PPP3CB: variants seen among roughly 807,000 people sequenced by gnomAD.
PPP3CB encodes serine/threonine-protein phosphatase 2B catalytic subunit beta isoform.
A neutral mutation model predicts 66.4 loss-of-function variants in PPP3CB; 8 were observed. The observed-to-expected ratio is 0.12, with a 90% confidence interval of 0.07 to 0.22. PPP3CB has a LOEUF of 0.22. Ranked by LOEUF, PPP3CB falls within the 10% of genes least tolerant of loss-of-function variation. The pLI, the probability that PPP3CB is intolerant of heterozygous loss-of-function variation, is 1.00. For synonymous variants in PPP3CB, 208 were observed against 221.2 expected, an observed-to-expected ratio of 0.94 and a Z score of 0.53; for missense variants, 319 against 642.5, an observed-to-expected ratio of 0.50 and a Z score of 5.44.
At chr10:73,481,111 C>T (rs1274394948) in intron 1 of PPP3CB, among the ~76,000 whole-genome samples, 1 of 150,262 alleles carries the variant, frequency 6.7e-6, no homozygotes, top group South Asian at 2.1e-4. Flanking sequence ...CATTAGGAGT[C>T]TAATAAATAT....
chr10:73,486,571 C>T (rs998936839), intron 1 of PPP3CB, among the ~76,000 whole-genome samples: 1 of 152,180 alleles, frequency 6.6e-6, no homozygotes, highest in Non-Finnish European at 1.5e-5. Context: ...TCCCAAAGTG[C>T]TGGGATTACA....
chr10:73,490,920 C>T (rs1030691871), intron 1 of PPP3CB, among the ~76,000 whole-genome samples: 2 of 151,846 alleles, frequency 1.3e-5, no homozygotes, highest in Admixed American at 6.6e-5. Flanking sequence ...GCAGCCTCCA[C>T]TTCTCAGGTT....
chr10:73,467,351 C>G (rs1331860062), intron 9 of PPP3CB: 1 of 336,092 alleles, frequency 3.0e-6, no homozygotes, highest in African/African-American at 2.1e-5. Context: ...TCCCAGTCCC[C>G]CAGACAGCCT....
At chr10:73,480,501 G>A (rs2056856804) in intron 1 of PPP3CB, among the ~76,000 whole-genome samples, 1 of 145,748 alleles carries the variant, frequency 6.9e-6, no homozygotes, top group Admixed American at 7.0e-5. Context: ...CTGGAATGCA[G>A]TGGCGTGAAC....
Position 73,448,397 on chromosome 10 carries a change from C to CA in PPP3CB, c.1187-1825dup, listed in dbSNP as rs2056293626. On this transcript the variant is annotated intron_variant, in intron 10 of 13. Transcript: ENST00000360663. Reference sequence around the variant, plus strand: ...AACCCTAATCATGCAGGGAAAAGTACAAAACATTACAAATAAGCAAAAGAA... The same window carrying CA: ...AACCCTAATCATGCAGGGAAAAGTACAAAAACATTACAAATAAGCAAAAGAA... 3.3e-5 allele frequency among the ~76,000 whole-genome samples: 5 copies of CA among 151,772 alleles called. 1 individual carries two copies. The highest frequency in any genetic ancestry group is 7.4e-5 in the Non-Finnish European group (5 of 67,914).
chr10:73,438,171 G>A lies in PPP3CB; in HGVS notation c.*71C>T, dbSNP rs1347543448. The A allele has an allele frequency of 8.3e-6, 12 of 1,454,464 alleles. No individual in the cohort carries two copies. Among genetic ancestry groups the A allele is most frequent in the Admixed American group, 2.1e-5 (1 of 48,578 alleles). The allele number at this position is 1,454,464 out of a possible 1,614,324, so 90.1% of individuals were successfully genotyped here. On this transcript the variant is annotated 3_prime_UTR_variant, in exon 14 of 14. Transcript: ENST00000360663. ...TGTGAAATTTACAGTCAGCTTGGCC[G>A]ACCCCTCCAGCTCCTCGGGTGATCT...
At chr10:73,462,137 CTTCTT>C (rs1008662390) in intron 9 of PPP3CB, among the ~76,000 whole-genome samples, 7 of 141,614 alleles carry the variant, frequency 4.9e-5, no homozygotes, top group Non-Finnish European at 1.1e-4. Flanking sequence ...AATTAAACTC[CTTCTT>C]TTTTTTTTTT....
chr10:73,442,616 T>C (rs1234263292), intron 12 of PPP3CB, among the ~76,000 whole-genome samples: 2 of 152,178 alleles, frequency 1.3e-5, no homozygotes, highest in Admixed American at 6.5e-5. Flanking sequence ...CTTGTTTTAA[T>C]GTACATTCAT....
At chr10:73,481,489 A>G (rs543933969) in intron 1 of PPP3CB, among the ~76,000 whole-genome samples, 51 of 150,198 alleles carry the variant, frequency 3.4e-4, no homozygotes, top group African/African-American at 1.3e-3. Flanking sequence ...ATATATATAC[A>G]TATATATATC....
At chr10:73,487,179 A>G (rs2056992688) in intron 1 of PPP3CB, among the ~76,000 whole-genome samples, 1 of 151,998 alleles carries the variant, frequency 6.6e-6, no homozygotes, top group African/African-American at 2.4e-5. Context: ...AAAGAAAACT[A>G]GTCATCATAG....
chr10:73,494,940 G>A (rs1425729921), intron 1 of PPP3CB, among the ~76,000 whole-genome samples: 1 of 152,142 alleles, frequency 6.6e-6, no homozygotes, highest in Non-Finnish European at 1.5e-5. Context: ...AGGAAGCTTG[G>A]AATCTTAAGC....
intron 9 of PPP3CB, among the ~76,000 whole-genome samples, chr10:73,455,215 T>C (rs1375835281): frequency 6.6e-6 from 1 of 152,130 alleles, no homozygotes; most frequent in East Asian, 1.9e-4. Context: ...AGCAACTCTC[T>C]TGAAATTTAC....
chr10:73,459,389 G>A (rs1415096411), intron 9 of PPP3CB, among the ~76,000 whole-genome samples: 2 of 152,238 alleles, frequency 1.3e-5, no homozygotes, highest in East Asian at 3.9e-4. Context: ...AGGAGGCTGA[G>A]GCAGGAGAAT....
At chr10:73,460,265 CAA>C (rs11447229) in intron 9 of PPP3CB, among the ~76,000 whole-genome samples, 3 of 35,828 alleles carry the variant, frequency 8.4e-5, no homozygotes, top group Non-Finnish European at 1.8e-4. Flanking sequence ...AAAGTAATAG[CAA>C]AAAAAAAAAA....
At chr10:73,443,829 G>A (rs751638853) in intron 12 of PPP3CB, 3 of 152,130 alleles carry the variant, frequency 2.0e-5, no homozygotes, top group Non-Finnish European at 4.4e-5. Flanking sequence ...GCAAAATAAA[G>A]GCACACTTAA....
intron 9 of PPP3CB, among the ~76,000 whole-genome samples, chr10:73,464,967 T>C (rs2132893966): frequency 6.6e-6 from 1 of 151,930 alleles, no homozygotes; most frequent in African/African-American, 2.4e-5. Context: ...AAAAAATTAA[T>C]AAATGTTTTT....
intron 1 of PPP3CB, among the ~76,000 whole-genome samples, chr10:73,483,357 C>A (rs939866447): frequency 1.3e-5 from 2 of 152,010 alleles, no homozygotes; most frequent in Non-Finnish European, 2.9e-5. Flanking sequence ...TAGGCAGTTT[C>A]AAATGAATAT....
At chr10:73,477,361 GA>G (rs1284119250) in intron 3 of PPP3CB, 2 of 431,770 alleles carry the variant, frequency 4.6e-6, no homozygotes, top group Non-Finnish European at 8.9e-6. Context: ...CATTTGTAAA[GA>G]AAAAAACTGG....
chr10:73,495,757 A>G, intron 1 of PPP3CB, 48 bp downstream of exon 1: 1 of 1,489,078 alleles, frequency 6.7e-7, no homozygotes, highest in Non-Finnish European at 9.0e-7. Context: ...GCCCTCACAC[A>G]CAGCTAGCTC....
Sources: gnomAD v4.1 joint callset for allele counts (sites outside exome capture counted in the v4.1 genomes callset) on GRCh38, gnomAD v4.1.1 for gene constraint, MANE v1.5 for transcripts, NCBI Gene and HGNC (gene_info 2026-07-23, HGNC 2026-07-21) for gene names.